Variants in XXYLT1 observed in about 807,000 individuals in gnomAD.
XXYLT1 encodes UDP-xylose:alpha-xyloside alpha-1,3-xylosyltransferase.
Under a neutral mutation model 28.9 loss-of-function variants are expected in XXYLT1, and 20 were observed. The observed-to-expected ratio is 0.69, with a 90% CI of 0.49 to 1.00. The LOEUF is 1.00. Ranked by LOEUF, XXYLT1 falls within the 50% of genes least tolerant of loss-of-function variation. XXYLT1 has a pLI of 0.00. For missense variants in XXYLT1, 542 were observed against 560.1 expected, an observed-to-expected ratio of 0.97 and a Z score of 0.33; for synonymous variants, 257 against 253.8, an observed-to-expected ratio of 1.01 and a Z score of -0.12.
chr3:195,198,006 C>T (rs1178265648), intron 2 of XXYLT1, among the ~76,000 whole-genome samples: 2 of 152,240 alleles, frequency 1.3e-5, no homozygotes, highest in Non-Finnish European at 2.9e-5. Context: ...AATCGGGCTT[C>T]ACCCTCGGCT....
At chr3:195,090,853 C>T (rs1480068828) in intron 3 of XXYLT1, among the ~76,000 whole-genome samples, 1 of 151,258 alleles carries the variant, frequency 6.6e-6, no homozygotes, top group Non-Finnish European at 1.5e-5. Flanking sequence ...ATATCACCAC[C>T]GATCTCACAG....
At chr3:195,145,264 TG>T (rs1160546959) in intron 3 of XXYLT1, among the ~76,000 whole-genome samples, 1 of 99,856 alleles carries the variant, frequency 1.0e-5, no homozygotes, top group Non-Finnish European at 2.0e-5. Context: ...GAAGATCAAG[TG>T]GAAGCCACGT....
At position 195,115,060 on chromosome 3, in the gene XXYLT1, C is replaced by T. The variant is rs573063083; in HGVS notation, c.785+41389G>A. On this transcript the variant is annotated intron_variant, in intron 3 of 3. Coordinates refer to ENST00000310380, the MANE Select transcript of XXYLT1 (RefSeq NM_152531.5). The surrounding 1 kb of genome is among the most constrained non-coding windows in gnomAD (Gnocchi z 4.2). Reference sequence around the variant, plus strand: ...CACAGTTGGCTCCTCCCAAACCTCCCGTTGATCCTCCTCCTATTGAGAGGT... The same window carrying T: ...CACAGTTGGCTCCTCCCAAACCTCCTGTTGATCCTCCTCCTATTGAGAGGT... Among the ~76,000 whole-genome samples, 6 of 152,320 alleles carry T rather than the reference C, an allele frequency of 3.9e-5. No homozygotes were observed. The highest frequency in any genetic ancestry group is 5.9e-5 in the Non-Finnish European group (4 of 68,028).
At chr3:195,239,121 T>A (rs1305913885) in intron 1 of XXYLT1, among the ~76,000 whole-genome samples, 1 of 152,364 alleles carries the variant, frequency 6.6e-6, no homozygotes, top group South Asian at 2.1e-4. Context: ...ATATTTCATA[T>A]AATAAATCTG....
chr3:195,270,398 C>CTCG (rs1380759447), intron 1 of XXYLT1, 157 bp downstream of exon 1: 19 of 981,282 alleles, frequency 1.9e-5, no homozygotes, highest in Middle Eastern at 5.2e-4. Flanking sequence ...CGCCCCCGAA[C>CTCG]GAGCCCTCCC....
intron 3 of XXYLT1, among the ~76,000 whole-genome samples, chr3:195,132,891 C>G (rs1170973301): frequency 6.6e-6 from 1 of 152,190 alleles, no homozygotes; most frequent in Non-Finnish European, 1.5e-5. Flanking sequence ...GAAAGTGAAG[C>G]CAGATTTTAA....
chr3:195,222,725 C>A (rs1327146019), intron 2 of XXYLT1, among the ~76,000 whole-genome samples: 1 of 152,062 alleles, frequency 6.6e-6, no homozygotes, highest in Non-Finnish European at 1.5e-5. Flanking sequence ...TATAATTACA[C>A]AGAAAATGGG....
Position 195,151,000 on chromosome 3 carries a change from G to A in XXYLT1, c.785+5449C>T, listed in dbSNP as rs76325212. On this transcript the variant is annotated intron_variant, in intron 3 of 3. Coordinates refer to ENST00000310380, the MANE Select transcript of XXYLT1 (RefSeq NM_152531.5). The surrounding 1 kb of genome is among the most constrained non-coding windows in gnomAD (Gnocchi z 4.7). ...TCCCCAAATGACCCAGTCCACAGTTGGGCTTCCTAACTCTACAGAGTGGTG... is the reference window on the plus strand; with the variant it reads ...TCCCCAAATGACCCAGTCCACAGTTAGGCTTCCTAACTCTACAGAGTGGTG... Among the ~76,000 whole-genome samples the A allele has an allele frequency of 0.034, 5,132 of 152,022 alleles. 161 individuals are homozygous for A. The highest frequency in any genetic ancestry group is 0.15 in the East Asian group (763 of 5,148).
chr3:195,081,801 C>T (rs1442073228), intron 3 of XXYLT1, among the ~76,000 whole-genome samples: 2 of 152,262 alleles, frequency 1.3e-5, no homozygotes, highest in Non-Finnish European at 2.9e-5. Flanking sequence ...CCAGCCTCCC[C>T]TGTGGTCTGC....
chr3:195,233,290 T>C (rs547402243), intron 1 of XXYLT1, among the ~76,000 whole-genome samples: 6 of 152,164 alleles, frequency 3.9e-5, no homozygotes, highest in African/African-American at 7.2e-5. Context: ...CTGTAGGCAA[T>C]AGATCATTGG....
At chr3:195,158,188 A>T (rs1332743212) in intron 2 of XXYLT1, among the ~76,000 whole-genome samples, 1 of 151,810 alleles carries the variant, frequency 6.6e-6, no homozygotes, top group South Asian at 2.1e-4. Flanking sequence ...GGCCATCTAA[A>T]CTCTACTTAT....
intron 1 of XXYLT1, among the ~76,000 whole-genome samples, chr3:195,260,477 G>A (rs1725658197): frequency 6.6e-6 from 1 of 152,192 alleles, no homozygotes; most frequent in Admixed American, 6.5e-5. Flanking sequence ...GGGGCACCTG[G>A]AAAGCCAGCC....
rs532652418 is a variant in XXYLT1, at chr3:195,124,532, C to A, written c.785+31917G>T. On this transcript the variant is annotated intron_variant, in intron 3 of 3. Transcript: ENST00000310380. The surrounding 1 kb of genome is among the most constrained non-coding windows in gnomAD (Gnocchi z 4.1). ...GCCTCCCCCTCTAGACTGTGAATTC[C>A]GTGGGGGCAAGGACCACGTTTGTTT... Among the ~76,000 whole-genome samples the A allele has an allele frequency of 6.6e-6, 1 of 152,272 alleles. No individual in the cohort carries two copies. The highest frequency in any genetic ancestry group is 1.5e-5 in the Non-Finnish European group (1 of 68,024).
chr3:195,227,555 T>C (rs1724111508), intron 1 of XXYLT1, among the ~76,000 whole-genome samples: 2 of 152,180 alleles, frequency 1.3e-5, no homozygotes, highest in African/African-American at 4.8e-5. Context: ...GGCAGAGCTT[T>C]GCAATTTATG....
chr3:195,114,316 C>G (rs1164887475), intron 3 of XXYLT1, among the ~76,000 whole-genome samples: 1 of 152,176 alleles, frequency 6.6e-6, no homozygotes, highest in African/African-American at 2.4e-5. Context: ...CCATTGCACC[C>G]AAAATGGAGG....
intron 2 of XXYLT1, among the ~76,000 whole-genome samples, chr3:195,212,975 C>CA (rs1310902637): frequency 6.6e-6 from 1 of 152,228 alleles, no homozygotes; most frequent in Non-Finnish European, 1.5e-5. Context: ...TCAACAACTC[C>CA]ATCCCCGGGG....
chr3:195,071,542 C>T (rs368013507), intron 3 of XXYLT1, among the ~76,000 whole-genome samples: 11 of 152,302 alleles, frequency 7.2e-5, no homozygotes, highest in Non-Finnish European at 1.0e-4. Context: ...ATCCACAGGG[C>T]CACTGCTTGT....
intron 1 of XXYLT1, chr3:195,270,178 G>C (rs1014072367): frequency 2.0e-6 from 1 of 495,304 alleles, no homozygotes; most frequent in South Asian, 1.6e-5. Context: ...GACTACTGGT[G>C]ACCAGTCCCA....
At chr3:195,152,399 T>C (rs542709972) in intron 3 of XXYLT1, 6 of 152,430 alleles carry the variant, frequency 3.9e-5, no homozygotes, top group Non-Finnish European at 5.9e-5. Flanking sequence ...GCGCTATGAT[T>C]TCCAGATGGG....
Sources: gnomAD v4.1 joint callset for allele counts (sites outside exome capture counted in the v4.1 genomes callset) on GRCh38, gnomAD v4.1.1 for gene constraint, Gnocchi (gnomAD v3.1) non-coding constraint, MANE v1.5 for transcripts, NCBI Gene and HGNC (gene_info 2026-07-23, HGNC 2026-07-21) for gene names.